RIPOR2: variants seen among roughly 807,000 people sequenced by gnomAD.
The protein encoded by RIPOR2 is RHO family interacting cell polarization regulator 2.
A neutral mutation model predicts 114.5 loss-of-function variants in RIPOR2; 39 were observed. The observed-to-expected ratio is 0.34, with a 90% CI of 0.26 to 0.44. The LOEUF (loss-of-function observed/expected upper bound fraction) is 0.44. RIPOR2 is among the 20% of genes least tolerant of loss of function. The pLI is 1.00. For synonymous variants in RIPOR2, 445 were observed against 484.4 expected (o/e 0.92, Z 1.07); for missense variants, 1,007 against 1,255.1 (o/e 0.80, Z 2.99).
chr6:24,948,574 C>T (rs1286649690), intron 1 of RIPOR2, among the ~76,000 whole-genome samples: 1 of 151,510 alleles, frequency 6.6e-6, no homozygotes, highest in Admixed American at 6.6e-5. Context: ...TCTTGTTGCC[C>T]AGGCTGGAGT....
chr6:24,984,458 A>G (rs752926532), intron 1 of RIPOR2, among the ~76,000 whole-genome samples: 4 of 152,140 alleles, frequency 2.6e-5, no homozygotes, highest in Non-Finnish European at 5.9e-5. Flanking sequence ...TAGACAAATT[A>G]CTCACAATTT....
intron 1 of RIPOR2, among the ~76,000 whole-genome samples, chr6:24,987,435 T>A (rs1316643990): frequency 1.3e-5 from 2 of 152,224 alleles, no homozygotes; most frequent in Non-Finnish European, 2.9e-5. Flanking sequence ...ATTACCTTGA[T>A]GCAACAGAAG....
rs1469509618 is a variant in RIPOR2, at chr6:24,841,621, T to A, written c.1857+1241A>T. ...ACATATAAAAACAATCACCATATTT[T>A]TTTTTTTTTTTTTTGAGACAGGGTC... is the stretch of plus-strand genomic sequence containing the variant. On this transcript the variant is annotated intron_variant, in intron 13 of 21. Transcript: ENST00000643898. Among the ~76,000 whole-genome samples the A allele has an allele frequency of 2.4e-4, 36 of 149,708 alleles. No individual in the cohort carries two copies. The East Asian group carries it at 4.3e-3, about 18-fold the overall frequency.
chr6:24,955,080 A>G lies in RIPOR2; in HGVS notation c.77-79263T>C, dbSNP rs145016653. On this transcript the variant is annotated intron_variant, in intron 1 of 13. Transcript: ENST00000510784. Reference sequence around the variant, plus strand: ...AAAGGATGTTGGCCAAAATGTGAACAAGGATGTTATCTCTGGATTAGATAT... The same window carrying G: ...AAAGGATGTTGGCCAAAATGTGAACGAGGATGTTATCTCTGGATTAGATAT... 2.1e-3 allele frequency among the ~76,000 whole-genome samples: 322 copies of G among 152,316 alleles called. 4 individuals carry two copies. In the East Asian group the frequency reaches 0.023, roughly 11 times the overall value.
intron 1 of RIPOR2, among the ~76,000 whole-genome samples, chr6:24,993,316 C>T (rs9379704): frequency 0.22 from 33,307 of 152,110 alleles, 4,565 homozygotes; most frequent in East Asian, 0.53. Context: ...TGAATTGAAG[C>T]CTTTACCATT....
At chr6:24,946,089 ATT>A (rs34818168) in intron 1 of RIPOR2, among the ~76,000 whole-genome samples, 100 of 149,446 alleles carry the variant, frequency 6.7e-4, no homozygotes, top group Middle Eastern at 6.8e-3. Flanking sequence ...TTTTTAATTA[ATT>A]TTTTTTTTTG....
rs45608233 is a variant in RIPOR2 at position 24,848,154 on chromosome 6, A to T, written c.1035T>A (p.Tyr345Ter). The T allele has an allele frequency of 6.2e-7, 1 of 1,613,232 alleles. No homozygotes were observed. Among genetic ancestry groups the T allele is most frequent in the Non-Finnish European group, 8.5e-7 (1 of 1,179,602 alleles). ...TIKLNLEITWYPFDVEDMTAS... is the reference protein window; with the variant it reads ...TIKLNLEITW ...CGGTCATGTCCTCCACGTCAAATGG[A>T]CTGCAAAACAACAGGTCCCCAGGTA... The change falls in exon 12 of 22, where the codon TAT (tyrosine) becomes TAA (stop). Residue 345 changes from tyrosine to a stop codon, truncating the protein, a stop_gained and splice_region_variant. Coordinates refer to ENST00000643898, the MANE Select transcript of RIPOR2 (RefSeq NM_001286445.3). LOFTEE classifies it high-confidence loss of function.
Position 24,980,666 on chromosome 6 carries a change from C to T in RIPOR2, c.76+61185G>A, listed in dbSNP as rs542245322. Reference sequence around the variant, plus strand: ...CTGTAACTCTCCAGGTGCACAGAAGCACCTGCCACATCCCCAGGTGCAAGT... The same window carrying T: ...CTGTAACTCTCCAGGTGCACAGAAGTACCTGCCACATCCCCAGGTGCAAGT... On this transcript the variant is annotated intron_variant, in intron 1 of 13. Transcript: ENST00000510784. Among the ~76,000 whole-genome samples, 49 of 152,292 alleles carry T rather than the reference C, an allele frequency of 3.2e-4. No homozygotes were observed. In the South Asian group the frequency reaches 3.3e-3, roughly 10 times the overall value.
At chr6:24,959,219 T>G (rs1018392668) in intron 1 of RIPOR2, among the ~76,000 whole-genome samples, 1 of 152,206 alleles carries the variant, frequency 6.6e-6, no homozygotes, top group Non-Finnish European at 1.5e-5. Flanking sequence ...ACATCTGCAA[T>G]GATCCTGTTT....
Position 25,008,041 on chromosome 6 carries a change from A to T in RIPOR2, c.76+33810T>A, listed in dbSNP as rs139320165. 2.1e-3 allele frequency among the ~76,000 whole-genome samples: 325 copies of T among 152,240 alleles called. 3 individuals carry two copies. The East Asian group carries it at 0.021, about 10-fold the overall frequency. On this transcript the variant is annotated intron_variant, in intron 1 of 13. Coordinates refer to the RIPOR2 transcript ENST00000510784. ...TATTTTTATTTTTTAAAAATATTTT[A>T]AAACTATTTTTATTAAAATCAGTAG... is the stretch of plus-strand genomic sequence containing the variant.
chr6:24,860,595 T>C (rs560439168), intron 8 of RIPOR2, among the ~76,000 whole-genome samples: 5 of 152,330 alleles, frequency 3.3e-5, no homozygotes, highest in African/African-American at 1.2e-4. Context: ...CTGAAGTGTA[T>C]AGCAGCAGAC....
chr6:24,877,461 T>A (rs1162714537), intron 1 of RIPOR2: 1 of 477,942 alleles, frequency 2.1e-6, no homozygotes, highest in Admixed American at 6.4e-5. Context: ...AGCTTACATT[T>A]TAGGGCATTC....
At chr6:24,910,801 T>C in intron 1 of RIPOR2, 3 of 985,078 alleles carry the variant, frequency 3.0e-6, no homozygotes, top group Non-Finnish European at 3.6e-6. Flanking sequence ...AAAGGAGAAA[T>C]GAAAAGGTGA....
intron 1 of RIPOR2, among the ~76,000 whole-genome samples, chr6:24,906,084 C>A (rs554433043): frequency 6.6e-6 from 1 of 152,162 alleles, no homozygotes; most frequent in South Asian, 2.1e-4. Flanking sequence ...CATTGGCCAA[C>A]CTTGTTCTAG....
At position 24,806,408 on chromosome 6, in the gene RIPOR2, C is replaced by T; in HGVS notation, c.3109G>A (p.Gly1037Ser). 5 of 1,551,618 alleles carry T rather than the reference C, an allele frequency of 3.2e-6. No homozygotes were observed. Among genetic ancestry groups the T allele is most frequent in the Non-Finnish European group, 4.4e-6 (5 of 1,146,934 alleles). ...KFPRDCVKVGGRHGTEVATAF is the reference protein window; with the variant it reads ...KFPRDCVKVGSRHGTEVATAF ...GTGGCAACTTCAGTTCCATGACGAC[C>T]TCCGACTTTAACACAGTCTCGAGGA... is the stretch of plus-strand genomic sequence containing the variant. The change falls in exon 22 of 22, where the codon GGT (glycine) becomes AGT (serine). Residue 1037 changes from glycine to serine, a missense_variant. Transcript: ENST00000643898.
rs375495107 is a variant in RIPOR2 at position 24,821,275 on chromosome 6, C to T, written c.2869-2650G>A. Among the ~76,000 whole-genome samples the T allele has an allele frequency of 2.4e-4, 36 of 151,328 alleles. No individual in the cohort carries two copies. The East Asian group carries it at 4.5e-3, about 19-fold the overall frequency. On this transcript the variant is annotated intron_variant, in intron 19 of 21. Coordinates refer to ENST00000643898, the MANE Select transcript of RIPOR2 (RefSeq NM_001286445.3). ...TCGGCTCACTGCAACCTCTGCCTCC[C>T]GGGTTCAAGCGATTCTCCTGCCTCA...
intron 1 of RIPOR2, among the ~76,000 whole-genome samples, chr6:25,025,604 T>G (rs1024661644): frequency 2.0e-5 from 3 of 152,154 alleles, no homozygotes; most frequent in Non-Finnish European, 4.4e-5. Flanking sequence ...AGAAAAAAAT[T>G]TAATTGTTTT....
At chr6:25,014,475 C>T (rs1775889654) in intron 1 of RIPOR2, among the ~76,000 whole-genome samples, 1 of 152,170 alleles carries the variant, frequency 6.6e-6, no homozygotes, top group Non-Finnish European at 1.5e-5. Context: ...CTAATAGAAG[C>T]TATTTCGAAA....
intron 17 of RIPOR2, among the ~76,000 whole-genome samples, chr6:24,829,909 C>T (rs1033335362): frequency 1.3e-5 from 2 of 152,104 alleles, no homozygotes; most frequent in African/African-American, 4.8e-5. Context: ...CACTCTCGTA[C>T]TGGTGAAATT....
Sources: allele counts gnomAD v4.1 joint callset (sites outside exome capture counted in the v4.1 genomes callset), GRCh38; gene constraint gnomAD v4.1.1; transcripts MANE v1.5; gene names NCBI Gene and HGNC (gene_info 2026-07-23, HGNC 2026-07-21).